TRPM3: variants seen among roughly 807,000 people sequenced by gnomAD.
TRPM3 encodes transient receptor potential cation channel subfamily M member 3.
In TRPM3, 77 loss-of-function variants were observed where a neutral mutation model predicts 181.2. That is an observed-to-expected ratio of 0.42 (90% CI 0.35 to 0.51). TRPM3 has a LOEUF of 0.51. TRPM3 is among the 20% of genes least tolerant of loss of function. The pLI is 0.01. For missense variants in TRPM3, 1,759 were observed against 2,196.7 expected (o/e 0.80, Z 3.98); for synonymous variants, 745 against 796.4 (o/e 0.94, Z 1.09).
intron 1 of TRPM3, among the ~76,000 whole-genome samples, chr9:71,400,086 C>T (rs1023972646): frequency 6.6e-6 from 1 of 152,104 alleles, no homozygotes; most frequent in Admixed American, 6.5e-5. Flanking sequence ...AGTCAGAGTC[C>T]TGCTCAATGC....
chr9:70,978,833 T>A (rs1007316197), intron 1 of TRPM3, among the ~76,000 whole-genome samples: 1 of 152,190 alleles, frequency 6.6e-6, no homozygotes, highest in African/African-American at 2.4e-5. Context: ...ACAAAAAGCA[T>A]CGAGCTTAGA....
intron 1 of TRPM3, among the ~76,000 whole-genome samples, chr9:71,165,222 A>G (rs1290257563): frequency 2.0e-5 from 3 of 152,302 alleles, no homozygotes; most frequent in South Asian, 2.1e-4. Flanking sequence ...AATTACAACA[A>G]TAATATCAAC....
At chr9:71,195,183 C>A (rs1317502219) in intron 1 of TRPM3, among the ~76,000 whole-genome samples, 2 of 152,046 alleles carry the variant, frequency 1.3e-5, no homozygotes, top group African/African-American at 4.8e-5. Flanking sequence ...TGAAGAGCTT[C>A]CGCACAGCAA....
chr9:71,139,422 C>T (rs1054262500), intron 1 of TRPM3, among the ~76,000 whole-genome samples: 2 of 151,974 alleles, frequency 1.3e-5, no homozygotes, highest in African/African-American at 2.4e-5. Flanking sequence ...TCAGAAAAAC[C>T]ACTGTTTACA....
chr9:70,767,517 A>G (rs886935783), intron 7 of TRPM3, among the ~76,000 whole-genome samples: 3 of 152,184 alleles, frequency 2.0e-5, no homozygotes, highest in Admixed American at 1.3e-4. Flanking sequence ...TGTTGTGTTG[A>G]TAATTTTGTG....
At chr9:71,362,898 T>G (rs1367149395) in intron 1 of TRPM3, among the ~76,000 whole-genome samples, 2 of 152,166 alleles carry the variant, frequency 1.3e-5, no homozygotes, top group African/African-American at 2.4e-5. Context: ...TTAGCAGGCA[T>G]GGGTTTGAAA....
At chr9:70,680,443 A>G (rs2065127829) in intron 9 of TRPM3, among the ~76,000 whole-genome samples, 1 of 152,316 alleles carries the variant, frequency 6.6e-6, no homozygotes. Context: ...TCATTTTGGA[A>G]TGCTGAATCT....
At chr9:71,082,658 C>T (rs1037893322) in intron 1 of TRPM3, among the ~76,000 whole-genome samples, 1 of 152,134 alleles carries the variant, frequency 6.6e-6, no homozygotes, top group East Asian at 1.9e-4. Context: ...ATGATCCTAT[C>T]GTTAGTGGAC....
In TRPM3 at chr9:71,165,302, AT is replaced by A. The variant is rs1162402166; in HGVS notation, c.183+281350del. Among the ~76,000 whole-genome samples the A allele has an allele frequency of 4.7e-4, 71 of 152,326 alleles. No homozygotes were observed. In the East Asian group the frequency reaches 0.013, roughly 28 times the overall value. ...ATTTAGAACAGTGCCTGGTCTATAG[AT>A]AGTAAGCATCACTGAAGTGTTTGCT... is the stretch of plus-strand genomic sequence containing the variant. On this transcript the variant is annotated intron_variant, in intron 1 of 24. Coordinates refer to the TRPM3 transcript ENST00000357533.
chr9:71,095,758 CAAA>C (rs34934062), intron 1 of TRPM3, among the ~76,000 whole-genome samples: 9 of 85,290 alleles, frequency 1.1e-4, no homozygotes, highest in African/African-American at 1.3e-4. Flanking sequence ...GACTCTGTGT[CAAA>C]AAAAAAAAAA....
intron 1 of TRPM3, among the ~76,000 whole-genome samples, chr9:71,178,548 G>T (rs2077230113): frequency 6.6e-6 from 1 of 152,086 alleles, no homozygotes; most frequent in Non-Finnish European, 1.5e-5. Flanking sequence ...TCTGACATGT[G>T]ACATTTGCAA....
chr9:70,883,860 G>T lies in TRPM3; in HGVS notation c.178-19349C>A, dbSNP rs372051672. Among the ~76,000 whole-genome samples the T allele has an allele frequency of 3.0e-4, 46 of 152,288 alleles. No individual in the cohort carries two copies. In the South Asian group the frequency reaches 9.5e-3, roughly 32 times the overall value. ...ATACAATCACTCTTTCATGTAGAAG[G>T]CAGGGTCTGGTGGCTTCTAAGGTAG... On this transcript the variant is annotated intron_variant, in intron 1 of 25. Transcript: ENST00000677713.
At chr9:70,675,248 G>A (rs1005307589) in intron 9 of TRPM3, among the ~76,000 whole-genome samples, 15 of 151,978 alleles carry the variant, frequency 9.9e-5, no homozygotes, top group Non-Finnish European at 1.9e-4. Flanking sequence ...CTACAGTCAC[G>A]CACTGCCATG....
intron 1 of TRPM3, among the ~76,000 whole-genome samples, chr9:70,978,647 G>T (rs577218865): frequency 6.6e-6 from 1 of 152,124 alleles, no homozygotes. Context: ...TGTTGTTCCC[G>T]TCATGGGGTA....
intron 1 of TRPM3, among the ~76,000 whole-genome samples, chr9:71,206,272 T>C (rs1441497806): frequency 6.6e-6 from 1 of 152,198 alleles, no homozygotes. Context: ...TTCCTGACAT[T>C]TTAGAGATCG....
chr9:71,280,368 A>T (rs2084609042), intron 1 of TRPM3, among the ~76,000 whole-genome samples: 1 of 152,214 alleles, frequency 6.6e-6, no homozygotes, highest in Non-Finnish European at 1.5e-5. Flanking sequence ...AATATTCCCC[A>T]CATGGAAAAT....
intron 1 of TRPM3, among the ~76,000 whole-genome samples, chr9:71,093,303 C>T (rs2066533200): frequency 6.6e-6 from 1 of 152,014 alleles, no homozygotes. Flanking sequence ...AGGCAACCTA[C>T]AGAATGGGAG....
Position 70,625,945 on chromosome 9 carries a change from C to A in TRPM3, c.1633-428G>T, listed in dbSNP as rs936987153. Among the ~76,000 whole-genome samples, 3 of 152,152 alleles carry A rather than the reference C, an allele frequency of 2.0e-5. No homozygotes were observed. The highest frequency in any genetic ancestry group is 6.8e-3 in the Middle Eastern group (2 of 294). On this transcript the variant is annotated intron_variant, in intron 12 of 25. Transcript: ENST00000677713. The surrounding 1 kb of genome is among the most constrained non-coding windows in gnomAD (Gnocchi z 4.8). ...TATTTAGGGAGGGGATTTTGGGTGT[C>A]AGAATGAGGTTGTATATGAACATCC... is the stretch of plus-strand genomic sequence containing the variant.
chr9:71,028,965 A>G (rs927601719), intron 1 of TRPM3, among the ~76,000 whole-genome samples: 1 of 152,230 alleles, frequency 6.6e-6, no homozygotes, highest in East Asian at 1.9e-4. Context: ...TTACAAAACA[A>G]CAGAATATAC....
Sources: gnomAD v4.1 joint callset for allele counts (sites outside exome capture counted in the v4.1 genomes callset) on GRCh38, gnomAD v4.1.1 for gene constraint, Gnocchi (gnomAD v3.1) non-coding constraint, MANE v1.5 for transcripts, NCBI Gene and HGNC (gene_info 2026-07-23, HGNC 2026-07-21) for gene names.